STRN: variants seen among roughly 807,000 people sequenced by gnomAD.
The protein encoded by STRN is striatin, also known as protein phosphatase 2 regulatory subunit B'''alpha.
Under a neutral mutation model 96.3 loss-of-function variants are expected in STRN, and 53 were observed. That is an observed-to-expected ratio of 0.55 (90% CI 0.44 to 0.69). The LOEUF (loss-of-function observed/expected upper bound fraction) is 0.69. Among genes scored for constraint, STRN ranks in the 30% least tolerant of loss-of-function variants. The pLI is 0.00. For synonymous variants in STRN, 428 were observed against 355.9 expected, an observed-to-expected ratio of 1.20 and a Z score of -2.28; for missense variants, 987 against 963.9, an observed-to-expected ratio of 1.02 and a Z score of -0.32.
chr2:36,947,567 T>C (rs992826013), intron 1 of STRN, among the ~76,000 whole-genome samples: 14 of 147,754 alleles, frequency 9.5e-5, no homozygotes, highest in African/African-American at 3.5e-4. Context: ...TTTACATATA[T>C]ATTATATATA....
At chr2:36,901,297 A>C (rs1421471353) in intron 5 of STRN, among the ~76,000 whole-genome samples, 1 of 152,192 alleles carries the variant, frequency 6.6e-6, no homozygotes, top group African/African-American at 2.4e-5. Context: ...TCATGCCGGT[A>C]ATCCCAGTAC....
At chr2:36,907,496 C>T (rs1171813310) in intron 3 of STRN, among the ~76,000 whole-genome samples, 3 of 151,560 alleles carry the variant, frequency 2.0e-5, no homozygotes, top group Non-Finnish European at 2.9e-5. Flanking sequence ...TGCAGTGAGC[C>T]GAGATGATGC....
chr2:36,926,421 G>T (rs1310060996), intron 1 of STRN, among the ~76,000 whole-genome samples: 1 of 152,122 alleles, frequency 6.6e-6, no homozygotes, highest in Non-Finnish European at 1.5e-5. Flanking sequence ...ACTAAGACAG[G>T]TAACAATGTT....
rs1177371037 is a variant in STRN at position 36,842,886 on chromosome 2, T to C, written c.*6570A>G. ...GCGGAGGGATGCTCCATGATTATAATGTTTAGGTTAAAAGGTATGCTTGAC... is the reference window on the plus strand; with the variant it reads ...GCGGAGGGATGCTCCATGATTATAACGTTTAGGTTAAAAGGTATGCTTGAC... On this transcript the variant is annotated 3_prime_UTR_variant, in exon 18 of 18. Transcript: ENST00000263918. Among the ~76,000 whole-genome samples, 1 of 152,136 alleles carries C rather than the reference T, an allele frequency of 6.6e-6. No homozygotes were observed. The highest frequency in any genetic ancestry group is 1.9e-4 in the East Asian group (1 of 5,194).
At chr2:36,851,432 G>A (rs1278951846) in intron 15 of STRN, among the ~76,000 whole-genome samples, 2 of 152,080 alleles carry the variant, frequency 1.3e-5, no homozygotes, top group African/African-American at 2.4e-5. Flanking sequence ...GCAGTGAGCC[G>A]AGATCGTGCC....
intron 1 of STRN, among the ~76,000 whole-genome samples, chr2:36,952,038 C>T (rs1397848876): frequency 1.3e-5 from 2 of 152,008 alleles, no homozygotes; most frequent in African/African-American, 2.4e-5. Flanking sequence ...AATTTCGTCC[C>T]GAAAATACAC....
At position 36,861,120 on chromosome 2, in the gene STRN, G is replaced by T. The variant is rs1182782156; in HGVS notation, c.1669+12C>A. ...CAATTTTATTCCTTCAGATCTTTGG[G>T]AAATCACCTACCATAAGAATCATAG... is the stretch of plus-strand genomic sequence containing the variant. On this transcript the variant is annotated intron_variant, in intron 13 of 17. Transcript: ENST00000263918. 1 of 1,611,096 alleles carries T rather than the reference G, an allele frequency of 6.2e-7. No homozygotes were observed. The highest frequency in any genetic ancestry group is 1.7e-5 in the Admixed American group (1 of 59,488).
chr2:36,932,541 G>A (rs1407023574), intron 1 of STRN, among the ~76,000 whole-genome samples: 1 of 151,878 alleles, frequency 6.6e-6, no homozygotes, highest in South Asian at 2.1e-4. Context: ...TTTACCTATT[G>A]TCACATTTCA....
intron 1 of STRN, among the ~76,000 whole-genome samples, chr2:36,960,111 C>T (rs1572703247): frequency 6.6e-6 from 1 of 152,128 alleles, no homozygotes; most frequent in African/African-American, 2.4e-5. Flanking sequence ...AGTTCACCTG[C>T]TCCACATGTA....
chr2:36,860,532 C>G (rs1223817377), intron 13 of STRN, among the ~76,000 whole-genome samples: 1 of 152,166 alleles, frequency 6.6e-6, no homozygotes, highest in Admixed American at 6.5e-5. Context: ...TCAAACTACT[C>G]TAGAACTTAA....
chr2:36,922,390 A>AG (rs1670283947), intron 2 of STRN, among the ~76,000 whole-genome samples: 1 of 151,940 alleles, frequency 6.6e-6, no homozygotes, highest in South Asian at 2.1e-4. Context: ...GGACTGGAGT[A>AG]TATCTGTATT....
At chr2:36,901,659 T>C (rs1299340278) in intron 5 of STRN, among the ~76,000 whole-genome samples, 1 of 152,026 alleles carries the variant, frequency 6.6e-6, no homozygotes, top group African/African-American at 2.4e-5. Flanking sequence ...AGTCTATATC[T>C]ATAGAGAAAT....
In STRN at chr2:36,846,251, T is replaced by A. The variant is rs1668070685; in HGVS notation, c.*3205A>T. On this transcript the variant is annotated 3_prime_UTR_variant, in exon 18 of 18. Coordinates refer to ENST00000263918, the MANE Select transcript of STRN (RefSeq NM_003162.4). Reference sequence around the variant, plus strand: ...GCTAGCCTATAATGAATATTGTATATACAGTAATTTAAACACTTAGAACTA... The same window carrying A: ...GCTAGCCTATAATGAATATTGTATAAACAGTAATTTAAACACTTAGAACTA... 6.7e-6 allele frequency: 1 copy of A among 149,874 alleles called. No individual in the cohort carries two copies. The highest frequency in any genetic ancestry group is 1.5e-5 in the Non-Finnish European group (1 of 67,532). The allele number at this position is 149,874 out of a possible 1,614,324, so 9.3% of individuals were successfully genotyped here.
rs1558617543 is a variant in STRN at position 36,846,390 on chromosome 2, TATATA to T, written c.*3061_*3065del. On this transcript the variant is annotated 3_prime_UTR_variant, in exon 18 of 18. Transcript: ENST00000263918. ...AACAGTAAAATGCACCTATGGTTTA[TATATA>T]TATATATATATATATATATATATAT... 5 of 26,384 alleles carry T rather than the reference TATATA, an allele frequency of 1.9e-4. No homozygotes were observed. The highest frequency in any genetic ancestry group is 0.021 in the Middle Eastern group (1 of 48). 1.6% of individuals were successfully genotyped at this position (26,384 alleles called of 1,614,324 possible). A position where few individuals can be genotyped will look rare whatever the true frequency, so the allele number is the denominator to read the frequency against.
chr2:36,861,396 G>C, intron 12 of STRN, 143 bp from the exon 13 acceptor site: 1 of 1,119,008 alleles, frequency 8.9e-7, no homozygotes, highest in East Asian at 2.6e-5. Context: ...TACTATCAAA[G>C]CACTGTTCAT....
At chr2:36,862,763 C>A (rs1249149546) in intron 12 of STRN, among the ~76,000 whole-genome samples, 1 of 150,268 alleles carries the variant, frequency 6.7e-6, no homozygotes, top group Non-Finnish European at 1.5e-5. Context: ...GAGATGGAGT[C>A]TCGCTCTGTC....
intron 1 of STRN, among the ~76,000 whole-genome samples, chr2:36,935,145 A>G (rs1670671047): frequency 6.6e-6 from 1 of 152,214 alleles, no homozygotes; most frequent in South Asian, 2.1e-4. Flanking sequence ...GTCTTCAGAT[A>G]CTACACCTGA....
intron 1 of STRN, among the ~76,000 whole-genome samples, chr2:36,934,671 C>T (rs1352875593): frequency 1.3e-5 from 2 of 152,216 alleles, no homozygotes; most frequent in Non-Finnish European, 2.9e-5. Flanking sequence ...TAAGGAACTA[C>T]ATAAAGCCCA....
chr2:36,939,557 A>T (rs1190968244), intron 1 of STRN, among the ~76,000 whole-genome samples: 1 of 151,784 alleles, frequency 6.6e-6, no homozygotes, highest in Non-Finnish European at 1.5e-5. Context: ...TATTATTATT[A>T]TTTTTTGCAG....
Sources: gnomAD v4.1 joint callset for allele counts (sites outside exome capture counted in the v4.1 genomes callset) on GRCh38, gnomAD v4.1.1 for gene constraint, MANE v1.5 for transcripts, NCBI Gene and HGNC (gene_info 2026-07-23, HGNC 2026-07-21) for gene names.